Variants in FRMD4A observed in about 807,000 individuals in gnomAD.
FRMD4A encodes FERM domain-containing protein 4A.
A neutral mutation model predicts 129.1 loss-of-function variants in FRMD4A; 29 were observed. The observed-to-expected ratio is 0.22, with a 90% CI of 0.17 to 0.31. The LOEUF (loss-of-function observed/expected upper bound fraction) is 0.31, where lower values mean the gene tolerates loss of function less well. FRMD4A is among the 10% of genes least tolerant of loss of function. FRMD4A has a pLI of 1.00. For synonymous variants in FRMD4A, 634 were observed against 571.6 expected (o/e 1.11, Z -1.56); for missense variants, 1,272 against 1,375.8 (o/e 0.92, Z 1.19).
intron 2 of FRMD4A, among the ~76,000 whole-genome samples, chr10:14,123,746 G>T (rs1212509701): frequency 6.6e-6 from 1 of 152,194 alleles, no homozygotes; most frequent in Non-Finnish European, 1.5e-5. Flanking sequence ...GAACTGTTCT[G>T]GAGCTGAAGT....
chr10:14,139,049 C>T (rs1156938205), intron 2 of FRMD4A, among the ~76,000 whole-genome samples: 2 of 152,154 alleles, frequency 1.3e-5, no homozygotes, highest in African/African-American at 4.8e-5. Flanking sequence ...CAATGAGTAG[C>T]ATTCTTTCTG....
At chr10:13,908,071 A>G (rs895354023) in intron 2 of FRMD4A, among the ~76,000 whole-genome samples, 1 of 145,986 alleles carries the variant, frequency 6.8e-6, no homozygotes, top group Non-Finnish European at 1.5e-5. Flanking sequence ...AGGCTGAGGC[A>G]GGAGAATCGC....
intron 2 of FRMD4A, among the ~76,000 whole-genome samples, chr10:14,288,398 A>G (rs1030962598): frequency 6.6e-6 from 1 of 152,142 alleles, no homozygotes; most frequent in African/African-American, 2.4e-5. Flanking sequence ...TAACATATGA[A>G]GGGAACTATG....
At chr10:13,757,507 C>T (rs565344069) in intron 8 of FRMD4A, among the ~76,000 whole-genome samples, 2 of 152,298 alleles carry the variant, frequency 1.3e-5, no homozygotes, top group South Asian at 4.1e-4. Context: ...TTTCTCTCAG[C>T]ACGCTAAACC....
At chr10:14,041,470 A>G (rs1403828497) in intron 2 of FRMD4A, among the ~76,000 whole-genome samples, 1 of 152,260 alleles carries the variant, frequency 6.6e-6, no homozygotes, top group African/African-American at 2.4e-5. Flanking sequence ...AAAGGGAAAC[A>G]TACTGTGATC....
chr10:13,968,449 C>T (rs1037241239), intron 2 of FRMD4A, among the ~76,000 whole-genome samples: 2 of 152,166 alleles, frequency 1.3e-5, no homozygotes, highest in African/African-American at 4.8e-5. Flanking sequence ...CTTTCACATC[C>T]ATCGCTTATT....
Position 13,782,925 on chromosome 10 carries a change from G to A in FRMD4A, c.381C>T (p.Tyr127=), listed in dbSNP as rs2092772367. The A allele has an allele frequency of 4.5e-6, 6 of 1,347,980 alleles. No individual in the cohort carries two copies. In the East Asian group the frequency reaches 9.2e-5, roughly 21 times the overall value. 83.5% of individuals were successfully genotyped at this position (1,347,980 alleles called of 1,614,324 possible). The change falls in exon 6 of 25, where the codon TAC becomes TAT. Residue 127 remains tyrosine, a synonymous_variant. Coordinates refer to ENST00000357447, the MANE Select transcript of FRMD4A (RefSeq NM_018027.5). Reference sequence around the variant, plus strand: ...TTGAGGGAGAGGGAGTTCCTACCTTGTAGATGCAGGACTTCGCGTTCAGAA... The same window carrying A: ...TTGAGGGAGAGGGAGTTCCTACCTTATAGATGCAGGACTTCGCGTTCAGAA... ...LFFLNAKSCI[Y]KELIDVDSEV...
chr10:13,681,091 G>A (rs565112249), intron 15 of FRMD4A, among the ~76,000 whole-genome samples: 2 of 152,250 alleles, frequency 1.3e-5, no homozygotes, highest in East Asian at 3.9e-4. Context: ...AACTTACTCG[G>A]ATAGTTCCCT....
intron 2 of FRMD4A, among the ~76,000 whole-genome samples, chr10:14,242,662 C>G (rs548746283): frequency 6.6e-6 from 1 of 152,098 alleles, no homozygotes; most frequent in Non-Finnish European, 1.5e-5. Context: ...AATTAAGTCA[C>G]GATAGATGGA....
intron 2 of FRMD4A, among the ~76,000 whole-genome samples, chr10:14,046,974 T>C (rs1834016539): frequency 6.6e-6 from 1 of 152,088 alleles, no homozygotes; most frequent in South Asian, 2.1e-4. Context: ...ATGTGTGGAG[T>C]TACATCCTGG....
At chr10:13,719,992 A>G (rs922200719) in intron 12 of FRMD4A, among the ~76,000 whole-genome samples, 5 of 152,102 alleles carry the variant, frequency 3.3e-5, no homozygotes, top group African/African-American at 1.2e-4. Context: ...CCTCTCCTCC[A>G]TTCTCCTCCC....
intron 15 of FRMD4A, 94 bp downstream of exon 15, chr10:13,693,804 A>T: frequency 7.7e-7 from 1 of 1,300,932 alleles, no homozygotes; most frequent in Non-Finnish European, 1.1e-6. Flanking sequence ...CTTGCCCTGC[A>T]GTCTCCCCAG....
intron 4 of FRMD4A, among the ~76,000 whole-genome samples, chr10:13,803,848 G>A (rs990583827): frequency 6.6e-6 from 1 of 152,198 alleles, no homozygotes; most frequent in African/African-American, 2.4e-5. Context: ...AGGGACTGCT[G>A]TGTAGACACA....
chr10:13,669,617 C>G (rs2083352567), intron 17 of FRMD4A, among the ~76,000 whole-genome samples: 1 of 152,216 alleles, frequency 6.6e-6, no homozygotes, highest in Admixed American at 6.5e-5. Context: ...TTTAAGGCCT[C>G]TGTTCAAGAG....
intron 6 of FRMD4A, among the ~76,000 whole-genome samples, chr10:13,765,722 T>C (rs1434427207): frequency 6.6e-6 from 1 of 152,204 alleles, no homozygotes; most frequent in Non-Finnish European, 1.5e-5. Context: ...GGAAGAATGT[T>C]TGGAATTGCA....
intron 2 of FRMD4A, among the ~76,000 whole-genome samples, chr10:13,873,824 G>A (rs2094463451): frequency 6.6e-6 from 1 of 151,828 alleles, no homozygotes; most frequent in East Asian, 1.9e-4. Flanking sequence ...TGAGATTACA[G>A]GCTGAGCCAC....
At chr10:13,964,455 G>A (rs1161852420) in intron 2 of FRMD4A, among the ~76,000 whole-genome samples, 15 of 150,630 alleles carry the variant, frequency 1.0e-4, no homozygotes, top group African/African-American at 3.7e-4. Flanking sequence ...AGCCAGGAGT[G>A]GCGTGGAGCT....
intron 12 of FRMD4A, among the ~76,000 whole-genome samples, chr10:13,735,158 C>T (rs2135034649): frequency 6.6e-6 from 1 of 152,356 alleles, no homozygotes; most frequent in South Asian, 2.1e-4. Context: ...CAGGCGTGAG[C>T]CACTGCGCCC....
At chr10:13,764,551 T>A (rs181381106) in intron 6 of FRMD4A, among the ~76,000 whole-genome samples, 1 of 151,616 alleles carries the variant, frequency 6.6e-6, no homozygotes, top group Non-Finnish European at 1.5e-5. Flanking sequence ...AACAACAAAC[T>A]CACTAACCAT....
Sources: gnomAD v4.1 joint callset for allele counts (sites outside exome capture counted in the v4.1 genomes callset) on GRCh38, gnomAD v4.1.1 for gene constraint, MANE v1.5 for transcripts, NCBI Gene and HGNC (gene_info 2026-07-23, HGNC 2026-07-21) for gene names.